Variants in NFIC observed in about 807,000 individuals in gnomAD.
The protein encoded by NFIC is nuclear factor I C, also known as nuclear factor 1 C-type.
In NFIC, 12 loss-of-function variants were observed where a neutral mutation model predicts 54.4. That is an observed-to-expected ratio of 0.22 (90% CI 0.14 to 0.36). The LOEUF (loss-of-function observed/expected upper bound fraction) is 0.36, where lower values mean the gene tolerates loss of function less well. Among genes scored for constraint, NFIC ranks in the 10% least tolerant of loss-of-function variants. The pLI is 1.00. For missense variants in NFIC, 575 were observed against 718.2 expected (o/e 0.80, Z 2.28); for synonymous variants, 322 against 319.2 (o/e 1.01, Z -0.09).
intron 2 of NFIC, among the ~76,000 whole-genome samples, chr19:3,384,445 G>A (rs976570576): frequency 1.3e-5 from 2 of 151,512 alleles, no homozygotes; most frequent in African/African-American, 2.4e-5. Context: ...CTGGAGTCCA[G>A]TGACGCAATC....
intron 1 of NFIC, 31 bp from the exon 2 acceptor site, chr19:3,381,680 CG>C: frequency 1.2e-6 from 2 of 1,606,666 alleles, no homozygotes; most frequent in Non-Finnish European, 1.7e-6. Flanking sequence ...GCGTCCCTGG[CG>C]CTCCTGACCT....
chr19:3,381,437 C>T (rs1408024185), intron 1 of NFIC, among the ~76,000 whole-genome samples: 2 of 150,966 alleles, frequency 1.3e-5, no homozygotes, highest in African/African-American at 4.9e-5. Context: ...AAACTTCCGC[C>T]TTGATTTGTG....
chr19:3,452,658 C>A lies in NFIC; in HGVS notation c.1261C>A (p.Pro421Thr). Residue 421 changes from proline to threonine, a missense_variant, in exon 8 of 11, where the codon CCT becomes ACT. Physicochemically the swap from Pro to Thr is conservative, Grantham distance 38 (BLOSUM62 -1). Coordinates refer to ENST00000443272, the MANE Select transcript of NFIC (RefSeq NM_001245002.2). This position sits in a 1 kb window ranked among gnomAD's most constrained non-coding sequence, Gnocchi z 5.3. ...GGCCTGCGACCCAGCCAGCCAGCAA[C>A]CTGGACCGGTGAGTTGGGCGGGGCG... ...SLACDPASQQ[P>T]GPLNGSGQLK... The A allele has an allele frequency of 6.2e-7, 1 of 1,606,470 alleles. No homozygotes were observed. The highest frequency in any genetic ancestry group is 1.3e-5 in the African/African-American group (1 of 74,974).
At chr19:3,456,378 CA>C (rs1172432243) in intron 9 of NFIC, among the ~76,000 whole-genome samples, 171 bp from the exon 10 acceptor site, 3 of 152,180 alleles carry the variant, frequency 2.0e-5, no homozygotes, top group East Asian at 3.9e-4. Context: ...TTGGGCCTTT[CA>C]GGGGGGCCCG....
chr19:3,462,863 A>G lies in NFIC; in HGVS notation c.*94A>G, dbSNP rs1009777041. On this transcript the variant is annotated 3_prime_UTR_variant, in exon 11 of 11. Transcript: ENST00000443272. ...CGGCCCACGTTTTCGGTGGAAAATT[A>G]GAGTGAACAAGAACACCCCTGCCGA... The G allele has an allele frequency of 5.6e-6, 9 of 1,606,522 alleles. No individual in the cohort carries two copies. The highest frequency in any genetic ancestry group is 2.7e-5 in the African/African-American group (2 of 74,832).
chr19:3,457,246 C>T lies in NFIC; in HGVS notation c.1509+611C>T, dbSNP rs554929237. On this transcript the variant is annotated intron_variant, in intron 10 of 10. Coordinates refer to ENST00000443272, the MANE Select transcript of NFIC (RefSeq NM_001245002.2). ...CAGCGTTCATGTTCACGTTGATGTTCATAGTCACGTACATGTTCAGACGGC... is the reference window on the plus strand; with the variant it reads ...CAGCGTTCATGTTCACGTTGATGTTTATAGTCACGTACATGTTCAGACGGC... Among the ~76,000 whole-genome samples, 5 of 152,308 alleles carry T rather than the reference C, an allele frequency of 3.3e-5. No homozygotes were observed. In the East Asian group the frequency reaches 9.7e-4, roughly 29 times the overall value.
intron 1 of NFIC, among the ~76,000 whole-genome samples, chr19:3,377,873 C>G (rs569443195): frequency 6.6e-6 from 1 of 152,090 alleles, no homozygotes; most frequent in Admixed American, 6.6e-5. Context: ...CTCTCCACCT[C>G]GGCCTCCCAA....
intron 2 of NFIC, among the ~76,000 whole-genome samples, chr19:3,421,865 C>A (rs896805995): frequency 2.0e-5 from 3 of 152,148 alleles, no homozygotes; most frequent in Admixed American, 6.6e-5. Flanking sequence ...GCACCCTTGA[C>A]CTCCCAGGCT....
At chr19:3,429,253 T>TAC (rs57948823) in intron 3 of NFIC, among the ~76,000 whole-genome samples, 4,741 of 50,596 alleles carry the variant, frequency 0.094, 470 homozygotes, top group Middle Eastern at 0.13. Flanking sequence ...AAAAAATATA[T>TAC]ACACACACAC....
intron 1 of NFIC, among the ~76,000 whole-genome samples, chr19:3,371,084 T>G (rs1312371273): frequency 6.6e-6 from 1 of 152,228 alleles, no homozygotes; most frequent in Non-Finnish European, 1.5e-5. Context: ...CTGAAAATCT[T>G]GCTCAGGAGG....
chr19:3,409,562 G>A (rs1429526183), intron 2 of NFIC, among the ~76,000 whole-genome samples: 3 of 152,190 alleles, frequency 2.0e-5, no homozygotes, highest in Non-Finnish European at 4.4e-5. Flanking sequence ...CGTGAGTGCC[G>A]GGTGTGCGTT....
At chr19:3,426,613 G>A (rs1293775612) in intron 3 of NFIC, among the ~76,000 whole-genome samples, 12 of 152,028 alleles carry the variant, frequency 7.9e-5, no homozygotes, top group East Asian at 1.9e-4. Flanking sequence ...ACCTCTCTTG[G>A]GGTAAAAGCC....
At chr19:3,364,132 G>A (rs1051897880), upstream of NFIC, among the ~76,000 whole-genome samples, 5 of 151,334 alleles carry the variant, frequency 3.3e-5, no homozygotes, top group Non-Finnish European at 7.4e-5. Context: ...ATGCCGAAGA[G>A]TGAAATAACT....
At chr19:3,386,314 C>CTTTTT (rs35622819) in intron 2 of NFIC, among the ~76,000 whole-genome samples, 2 of 69,068 alleles carry the variant, frequency 2.9e-5, no homozygotes, top group African/African-American at 1.0e-4. Flanking sequence ...TGCTGTATGC[C>CTTTTT]TTTTTTTTTT....
rs1460124500 is a variant in NFIC, at chr19:3,463,454, G to T, written c.*685G>T. On this transcript the variant is annotated 3_prime_UTR_variant, in exon 11 of 11. Transcript: ENST00000443272. Reference sequence around the variant, plus strand: ...CGCTTGCGAGCCCTGGCCAGGGGAGGAAGTGAGGCCCAGGCACCTGCTGCC... The same window carrying T: ...CGCTTGCGAGCCCTGGCCAGGGGAGTAAGTGAGGCCCAGGCACCTGCTGCC... 1.0e-6 allele frequency: 1 copy of T among 985,430 alleles called. No homozygotes were observed. Among genetic ancestry groups the T allele is most frequent in the Non-Finnish European group, 1.2e-6 (1 of 829,996 alleles). The allele number at this position is 985,430 out of a possible 1,614,324, so 61.0% of individuals were successfully genotyped here.
chr19:3,370,474 C>A lies in NFIC; in HGVS notation c.30+3808C>A, dbSNP rs958200321. Among the ~76,000 whole-genome samples, 1 of 143,322 alleles carries A rather than the reference C, an allele frequency of 7.0e-6. No individual in the cohort carries two copies. Among genetic ancestry groups the A allele is most frequent in the African/African-American group, 2.8e-5 (1 of 35,564 alleles). The allele number at this position is 143,322 out of a possible 152,430, so 94.0% of individuals were successfully genotyped here. The stretch of plus-strand genomic sequence containing the variant: ...AAAGCTGGGATTCTGGCAGAGTCAG[C>A]GTTCTCCTCTCTCTCTCTCTCTCTC... On this transcript the variant is annotated intron_variant, in intron 1 of 10. Coordinates refer to ENST00000443272, the MANE Select transcript of NFIC (RefSeq NM_001245002.2). This position sits in a 1 kb window ranked among gnomAD's most constrained non-coding sequence, Gnocchi z 5.2.
At chr19:3,437,036 G>A (rs1408166741) in intron 6 of NFIC, among the ~76,000 whole-genome samples, 6 of 152,052 alleles carry the variant, frequency 3.9e-5, no homozygotes, top group Non-Finnish European at 7.4e-5. Flanking sequence ...CGACATACCC[G>A]GGAAACGGGA....
intron 2 of NFIC, among the ~76,000 whole-genome samples, chr19:3,397,027 T>G (rs887449953): frequency 6.6e-6 from 1 of 151,998 alleles, no homozygotes; most frequent in Non-Finnish European, 1.5e-5. Context: ...CAGGGGTGTG[T>G]CTGCATGCGT....
intron 2 of NFIC, among the ~76,000 whole-genome samples, chr19:3,387,969 G>A (rs532894137): frequency 3.3e-5 from 5 of 152,224 alleles, no homozygotes; most frequent in African/African-American, 1.2e-4. Context: ...TCTGAGGCGC[G>A]GGCGGGCACC....
Sources: gnomAD v4.1 joint callset for allele counts (sites outside exome capture counted in the v4.1 genomes callset) on GRCh38, gnomAD v4.1.1 for gene constraint, Gnocchi (gnomAD v3.1) non-coding constraint, MANE v1.5 for transcripts, NCBI Gene and HGNC (gene_info 2026-07-23, HGNC 2026-07-21) for gene names.